SP3: variants seen among roughly 807,000 people sequenced by gnomAD.
SP3 encodes the protein Sp3 transcription factor, also known as transcription factor Sp3.
A neutral mutation model predicts 70.3 loss-of-function variants in SP3; 10 were observed. The observed-to-expected ratio is 0.14, with a 90% CI of 0.09 to 0.24. The LOEUF is 0.24. Ranked by LOEUF, SP3 falls within the 10% of genes least tolerant of loss-of-function variation. SP3 has a pLI of 1.00. For missense variants in SP3, 825 were observed against 914.6 expected, an observed-to-expected ratio of 0.90 and a Z score of 1.26; for synonymous variants, 402 against 333.5, an observed-to-expected ratio of 1.21 and a Z score of -2.24.
intron 6 of SP3, among the ~76,000 whole-genome samples, chr2:173,912,705 G>C (rs754181649): frequency 3.3e-5 from 5 of 151,478 alleles, no homozygotes; most frequent in Non-Finnish European, 7.4e-5. Flanking sequence ...AGAAACAGGA[G>C]TATTTTTTGT....
At chr2:173,932,698 T>C (rs1021195724) in intron 4 of SP3, among the ~76,000 whole-genome samples, 1 of 151,986 alleles carries the variant, frequency 6.6e-6, no homozygotes, top group African/African-American at 2.4e-5. Flanking sequence ...TTAAGAAGTA[T>C]AATAATAATG....
chr2:173,912,724 TAA>T (rs1689521687), intron 6 of SP3, among the ~76,000 whole-genome samples: 1 of 146,064 alleles, frequency 6.8e-6, no homozygotes, highest in Non-Finnish European at 1.5e-5. Flanking sequence ...GTTACAGTGT[TAA>T]GAGGAAAGAA....
Position 173,918,458 on chromosome 2 carries a change from G to A in SP3, c.1832+135C>T, listed in dbSNP as rs1689665450. The A allele has an allele frequency of 1.1e-5, 9 of 815,930 alleles. No homozygotes were observed. The South Asian group carries it at 1.6e-4, about 15-fold the overall frequency. 50.5% of individuals were successfully genotyped at this position (815,930 alleles called of 1,614,324 possible). ...CCATATATTTTGTTCTCTAACTTCT[G>A]CCACACGCATACACACACACCAAAA... On this transcript the variant is annotated intron_variant, in intron 5 of 6. Transcript: ENST00000310015.
Position 173,954,937 on chromosome 2 carries a change from T to C in SP3, c.1575A>G (p.Thr525=), listed in dbSNP as rs752643059. ...TGQLPNLQTV[T]VNSIDSAGIQ... ...TACCAGCAGAATCTATAGAGTTCACTGTAACTGTTTGTAGATTTGGCAACT... is the reference window on the plus strand; with the variant it reads ...TACCAGCAGAATCTATAGAGTTCACCGTAACTGTTTGTAGATTTGGCAACT... Residue 525 remains threonine (T), a synonymous_variant, in exon 4 of 7, where the codon ACA becomes ACG. Transcript: ENST00000310015. 17 of 1,614,082 alleles carry C rather than the reference T, an allele frequency of 1.1e-5. No homozygotes were observed. The Admixed American group carries it at 2.2e-4, about 21-fold the overall frequency.
intron 4 of SP3, among the ~76,000 whole-genome samples, chr2:173,939,520 T>C (rs1233328987): frequency 6.6e-6 from 1 of 152,012 alleles, no homozygotes; most frequent in Admixed American, 6.6e-5. Context: ...TCCCAGCACT[T>C]TGGGAGGCCG....
Position 173,939,764 on chromosome 2 carries a change from C to CAA in SP3, c.1639+15107_1639+15108dup, listed in dbSNP as rs3045251. Among the ~76,000 whole-genome samples, 36 of 70,200 alleles carry CAA rather than the reference C, an allele frequency of 5.1e-4. 3 individuals carry two copies. In the South Asian group the frequency reaches 0.02, roughly 39 times the overall value. The allele number at this position is 70,200 out of a possible 152,430, so 46.1% of individuals were successfully genotyped here. A position where few individuals can be genotyped will look rare whatever the true frequency, so the allele number is the denominator to read the frequency against. ...TGAGCAACAGAGCAAGACTCCAACT[C>CAA]AAAAAAAAAAAAAAAAAAGTTACAC... On this transcript the variant is annotated intron_variant, in intron 4 of 6. Transcript: ENST00000310015.
rs1689223931 is a variant in SP3, at chr2:173,903,397, C to A, written c.*6544G>T. On this transcript the variant is annotated 3_prime_UTR_variant, in exon 7 of 7. Coordinates refer to ENST00000310015, the MANE Select transcript of SP3 (RefSeq NM_003111.5). Reference sequence around the variant, plus strand: ...CGGCAGAACTGGGAGACAAGCAAGCCCATGTGTGTCTAAGTCCCAAACCTA... The same window carrying A: ...CGGCAGAACTGGGAGACAAGCAAGCACATGTGTGTCTAAGTCCCAAACCTA... 6.6e-6 allele frequency among the ~76,000 whole-genome samples: 1 copy of A among 152,070 alleles called. No homozygotes were observed. Among genetic ancestry groups the A allele is most frequent in the Admixed American group, 6.6e-5 (1 of 15,252 alleles).
intron 4 of SP3, among the ~76,000 whole-genome samples, chr2:173,939,967 G>A (rs1247531418): frequency 6.6e-6 from 1 of 151,982 alleles, no homozygotes; most frequent in Non-Finnish European, 1.5e-5. Flanking sequence ...TGACCTCCTG[G>A]GTTCAATCAA....
At chr2:173,942,998 C>T (rs1690419793) in intron 4 of SP3, among the ~76,000 whole-genome samples, 1 of 151,972 alleles carries the variant, frequency 6.6e-6, no homozygotes, top group Admixed American at 6.6e-5. Context: ...AGGTTATATG[C>T]AAATACTACA....
At chr2:173,933,638 T>TTATGTATATA (rs1690128509) in intron 4 of SP3, among the ~76,000 whole-genome samples, 2 of 86,566 alleles carry the variant, frequency 2.3e-5, no homozygotes, top group Non-Finnish European at 4.7e-5. Context: ...TTATAAAACT[T>TTATGTATATA]TATATATATA....
chr2:173,913,062 T>G lies in SP3; in HGVS notation c.2029+8A>C. 1 of 1,585,680 alleles carries G rather than the reference T, an allele frequency of 6.3e-7. No homozygotes were observed. The highest frequency in any genetic ancestry group is 2.3e-5 in the East Asian group (1 of 44,188). ...CATTTTTGTCTGTTAAAAGTAAGTA[T>G]TAGTAACCTGTATGTGTTCTTCTGT... On this transcript the variant is annotated splice_region_variant and intron_variant, in intron 6 of 6. Transcript: ENST00000310015.
Position 173,933,646 on chromosome 2 carries a change from A to ATATATATATATATATATT in SP3, c.1640-14862_1640-14861insAATATATATATATATATA, listed in dbSNP as rs1327846642. Among the ~76,000 whole-genome samples the ATATATATATATATATATT allele has an allele frequency of 4.5e-5, 6 of 133,454 alleles. 1 individual carries two copies. The highest frequency in any genetic ancestry group is 1.8e-4 in the African/African-American group (6 of 32,440). 87.6% of individuals were successfully genotyped at this position (133,454 alleles called of 152,430 possible). ...CTAACATTTATAAAACTTTATATATATATATATATATATATATATATATAT... is the reference window on the plus strand; with the variant it reads ...CTAACATTTATAAAACTTTATATATATATATATATATATATATTTATATATATATATATATATATATAT... On this transcript the variant is annotated intron_variant, in intron 4 of 6. Transcript: ENST00000310015.
chr2:173,964,947 C>T (rs1691244698), intron 1 of SP3: 2 of 589,674 alleles, frequency 3.4e-6, no homozygotes, highest in African/African-American at 2.0e-5. Context: ...CCGCCCGCCC[C>T]GGGGCCTGGC....
At chr2:173,918,858 G>C in intron 4 of SP3, 73 bp from the exon 5 acceptor site, 1 of 1,318,008 alleles carries the variant, frequency 7.6e-7, no homozygotes, top group African/African-American at 1.5e-5. Flanking sequence ...GAAATTACAT[G>C]TCTTCTCCCA....
At chr2:173,934,567 A>G (rs1690161853) in intron 4 of SP3, among the ~76,000 whole-genome samples, 1 of 152,204 alleles carries the variant, frequency 6.6e-6, no homozygotes, top group Non-Finnish European at 1.5e-5. Flanking sequence ...ACTTTCTGCC[A>G]TTTATTAACA....
intron 4 of SP3, among the ~76,000 whole-genome samples, chr2:173,927,012 C>T (rs561267836): frequency 6.6e-6 from 1 of 152,032 alleles, no homozygotes; most frequent in Non-Finnish European, 1.5e-5. Context: ...CCTCAGGAAA[C>T]TTACAATCAT....
chr2:173,912,959 A>C lies in SP3; in HGVS notation c.2029+111T>G, dbSNP rs890007758. The C allele has an allele frequency of 7.2e-6, 5 of 693,134 alleles. No individual in the cohort carries two copies. In the African/African-American group the frequency reaches 9.5e-5, roughly 13 times the overall value. 42.9% of individuals were successfully genotyped at this position (693,134 alleles called of 1,614,324 possible). On this transcript the variant is annotated intron_variant, in intron 6 of 6. Coordinates refer to ENST00000310015, the MANE Select transcript of SP3 (RefSeq NM_003111.5). ...TAAAGGTAAAAATTGGATGTAATTC[A>C]TTGTATTTTAAATCGATTCAGTTCA...
chr2:173,931,691 C>G (rs72911169), intron 4 of SP3, among the ~76,000 whole-genome samples: 10,815 of 152,122 alleles, frequency 0.071, 576 homozygotes, highest in African/African-American at 0.14. Context: ...TCTTAGCTTC[C>G]GGATAACTTC....
chr2:173,936,288 G>A (rs1243978065), intron 4 of SP3, among the ~76,000 whole-genome samples: 1 of 152,088 alleles, frequency 6.6e-6, no homozygotes, highest in Non-Finnish European at 1.5e-5. Context: ...TAAAGTGCTG[G>A]GATTACAGGT....
Sources: allele counts gnomAD v4.1 joint callset (sites outside exome capture counted in the v4.1 genomes callset), GRCh38; gene constraint gnomAD v4.1.1; transcripts MANE v1.5; gene names NCBI Gene and HGNC (gene_info 2026-07-23, HGNC 2026-07-21).